Variants in RLIM observed in about 807,000 individuals in gnomAD.
RLIM encodes ring finger protein, LIM domain interacting.
A neutral mutation model predicts 34.0 loss-of-function variants in RLIM; 2 were observed. The ratio of observed to expected loss-of-function variants is 0.06; its 90% CI spans 0.02 to 0.19. The LOEUF is 0.19. Ranked by LOEUF, RLIM falls within the 10% of genes least tolerant of loss-of-function variation. The probability of loss-of-function intolerance (pLI) is 1.00; values close to 1 mark genes in which losing one functional copy is unlikely to be tolerated. For synonymous variants in RLIM, 169 were observed against 164.0 expected, an observed-to-expected ratio of 1.03 and a Z score of -0.23; for missense variants, 286 against 479.7, an observed-to-expected ratio of 0.60 and a Z score of 3.77.
chrX:74,586,445 T>G lies in RLIM; in HGVS notation c.*4995A>C, dbSNP rs1371727292. ...CTGACCATAAAGCAGCTCGTGGAAC[T>G]TTAATAAACAAATCCTAATAAAAAT... On this transcript the variant is annotated 3_prime_UTR_variant, in exon 4 of 4. Coordinates refer to ENST00000332687, the MANE Select transcript of RLIM (RefSeq NM_016120.4). 3.6e-5 allele frequency: 4 copies of G among 112,392 alleles called. No individual in the cohort carries two copies. The highest frequency in any genetic ancestry group is 7.5e-5 in the Non-Finnish European group (4 of 53,328). 9.3% of individuals were successfully genotyped at this position (112,392 alleles called of 1,213,427 possible).
Position 74,592,555 on chromosome X carries a change from G to A in RLIM, c.760C>T (p.Pro254Ser). 1 of 1,211,760 alleles carries A rather than the reference G, an allele frequency of 8.3e-7. No homozygotes were observed. The highest frequency in any genetic ancestry group is 1.8e-5 in the South Asian group (1 of 57,009). Reference protein sequence around the residue: ...HSISSQTFEHPLVNETEGSSR... With the variant: ...HSISSQTFEHSLVNETEGSSR... ...CTTCCCTCCGTCTCATTTACCAAAGGATGTTCAAAAGTCTGAGATGAGATA... is the reference window on the plus strand; with the variant it reads ...CTTCCCTCCGTCTCATTTACCAAAGAATGTTCAAAAGTCTGAGATGAGATA... Residue 254 changes from proline (P) to serine (S), a missense_variant, in exon 4 of 4, where the codon CCT becomes TCT. Pro to Ser is a moderately conservative substitution (Grantham distance 74). Coordinates refer to ENST00000332687, the MANE Select transcript of RLIM (RefSeq NM_016120.4).
intron 3 of RLIM, among the ~76,000 whole-genome samples, chrX:74,593,585 A>T (rs2079626340): frequency 8.9e-6 from 1 of 112,866 alleles, no homozygotes; most frequent in African/African-American, 3.2e-5. Context: ...GTTTAAAAGC[A>T]TTTGAATATT....
In RLIM at chrX:74,583,141, T is replaced by C; in HGVS notation, c.*8299A>G. On this transcript the variant is annotated 3_prime_UTR_variant, in exon 4 of 4. Transcript: ENST00000332687. ...TTAACTGCTTTCTGGGCAGTCTCTT[T>C]AGCTTGGTGGGCTTGTAGTACAGCT... 1.7e-6 allele frequency: 2 copies of C among 1,197,843 alleles called. No individual in the cohort carries two copies. The highest frequency in any genetic ancestry group is 2.3e-6 in the Non-Finnish European group (2 of 882,004).
chrX:74,600,366 C>T (rs961985961), intron 1 of RLIM, among the ~76,000 whole-genome samples: 1 of 110,244 alleles, frequency 9.1e-6, no homozygotes, highest in African/African-American at 3.3e-5. Context: ...AGTAATACAA[C>T]TTGGTATTAG....
rs1052868174 is a variant in RLIM, at chrX:74,586,911, T to C, written c.*4529A>G. On this transcript the variant is annotated 3_prime_UTR_variant, in exon 4 of 4. Coordinates refer to ENST00000332687, the MANE Select transcript of RLIM (RefSeq NM_016120.4). Reference sequence around the variant, plus strand: ...GAGTTCAAGAACAGCCTGGACAACATGGCGAAACCCCATCTCCACAAAAAA... The same window carrying C: ...GAGTTCAAGAACAGCCTGGACAACACGGCGAAACCCCATCTCCACAAAAAA... 2 of 110,659 alleles carry C rather than the reference T, an allele frequency of 1.8e-5. No homozygotes were observed. Among genetic ancestry groups the C allele is most frequent in the Admixed American group, 9.7e-5 (1 of 10,327 alleles). 9.1% of individuals were successfully genotyped at this position (110,659 alleles called of 1,213,427 possible).
At chrX:74,598,953 C>T (rs996271268) in intron 1 of RLIM, among the ~76,000 whole-genome samples, 2 of 111,341 alleles carry the variant, frequency 1.8e-5, no homozygotes, top group African/African-American at 6.5e-5. Flanking sequence ...ATAAGGAATA[C>T]TAGCTATGAA....
Position 74,584,913 on chromosome X carries a change from T to C in RLIM, c.*6527A>G, listed in dbSNP as rs887597708. On this transcript the variant is annotated 3_prime_UTR_variant, in exon 4 of 4. Coordinates refer to ENST00000332687, the MANE Select transcript of RLIM (RefSeq NM_016120.4). ...GTTGAAGAGCTGACTACATCAAAACTATCCTGAGAAACCGAGTTATGATGC... is the reference window on the plus strand; with the variant it reads ...GTTGAAGAGCTGACTACATCAAAACCATCCTGAGAAACCGAGTTATGATGC... 1.6e-4 allele frequency among the ~76,000 whole-genome samples: 18 copies of C among 112,176 alleles called. No homozygotes were observed. The highest frequency in any genetic ancestry group is 5.8e-4 in the African/African-American group (18 of 30,907).
intron 1 of RLIM, among the ~76,000 whole-genome samples, chrX:74,603,222 A>G (rs2079668472): frequency 9.1e-6 from 1 of 109,879 alleles, no homozygotes; most frequent in East Asian, 2.9e-4. Context: ...AAATTACAAC[A>G]TTTTCTTGGC....
At chrX:74,604,330 TAAA>T (rs898705155) in intron 1 of RLIM, among the ~76,000 whole-genome samples, 2 of 106,632 alleles carry the variant, frequency 1.9e-5, no homozygotes, top group East Asian at 2.9e-4. Flanking sequence ...AAGCTTAAAA[TAAA>T]AAAAAAACTT....
rs759218299 is a variant in RLIM, at chrX:74,592,262, G to A, written c.1053C>T (p.Asn351=). ...GTTCACTTTCATAGGTGACAGTGTT[G>A]TTTGGTGTCTGAGACCTAGACCGAG... ...SRTRSRSQTP[N]NTVTYESERG... is the part of the protein sequence containing the mutation. Residue 351 remains asparagine, a synonymous_variant, in exon 4 of 4, where the codon AAC becomes AAT. Coordinates refer to ENST00000332687, the MANE Select transcript of RLIM (RefSeq NM_016120.4). 9.9e-6 allele frequency: 12 copies of A among 1,209,918 alleles called. No individual in the cohort carries two copies. In the Admixed American group the frequency reaches 2.4e-4, roughly 24 times the overall value.
At position 74,614,619 on chromosome X, in the gene RLIM, G is replaced by A. The variant is rs886068172; in HGVS notation, c.-221C>T. 2.7e-5 allele frequency: 3 copies of A among 112,192 alleles called. No homozygotes were observed. The highest frequency in any genetic ancestry group is 9.7e-5 in the African/African-American group (3 of 30,840). 9.2% of individuals were successfully genotyped at this position (112,192 alleles called of 1,213,427 possible). A position where few individuals can be genotyped will look rare whatever the true frequency, so the allele number is the denominator to read the frequency against. On this transcript the variant is annotated 5_prime_UTR_variant, in exon 1 of 4. Coordinates refer to ENST00000332687, the MANE Select transcript of RLIM (RefSeq NM_016120.4). ...TTGTTACCAAGCAGCGACAGGAAAC[G>A]ACTGCCCACAACAGGAAGTGATGAT...
intron 1 of RLIM, among the ~76,000 whole-genome samples, chrX:74,611,038 C>A (rs2147383999): frequency 8.9e-6 from 1 of 111,773 alleles, no homozygotes; most frequent in African/African-American, 3.2e-5. Flanking sequence ...TTATTACTTT[C>A]TTATATTGGA....
intron 3 of RLIM, among the ~76,000 whole-genome samples, chrX:74,593,871 T>C (rs2079627683): frequency 8.9e-6 from 1 of 112,434 alleles, no homozygotes; most frequent in African/African-American, 3.2e-5. Context: ...TGTCAGGATG[T>C]TTGGCAGCAT....
intron 1 of RLIM, chrX:74,612,545 C>T (rs924952481): frequency 9.0e-6 from 1 of 111,617 alleles, no homozygotes; most frequent in Admixed American, 9.6e-5. Context: ...GCATTCTACA[C>T]ATAAATCATC....
chrX:74,599,213 T>C (rs988627778), intron 1 of RLIM, among the ~76,000 whole-genome samples: 2 of 112,102 alleles, frequency 1.8e-5, no homozygotes, highest in Non-Finnish European at 3.8e-5. Context: ...AGGTAATACA[T>C]AAACTTAGCC....
rs149978746 is a variant in RLIM, at chrX:74,610,965, T to C, written c.-24+3457A>G. Among the ~76,000 whole-genome samples, 466 of 111,486 alleles carry C rather than the reference T, an allele frequency of 4.2e-3. 4 individuals are homozygous for C. The highest frequency in any genetic ancestry group is 0.014 in the African/African-American group (434 of 30,735). On this transcript the variant is annotated intron_variant, in intron 1 of 3. Transcript: ENST00000332687. The stretch of plus-strand genomic sequence containing the variant: ...AAAAGAGAAATGAATTGCTGGATTA[T>C]CTGGGAAACTTTCATGTTTGAGGCT...
chrX:74,593,483 C>T (rs1280506605), intron 3 of RLIM, among the ~76,000 whole-genome samples: 2 of 112,506 alleles, frequency 1.8e-5, no homozygotes, highest in Admixed American at 9.4e-5. Context: ...TTTTATTAGT[C>T]TACATACTGT....
At chrX:74,600,644 G>C (rs898862044) in intron 1 of RLIM, among the ~76,000 whole-genome samples, 1 of 111,061 alleles carries the variant, frequency 9.0e-6, no homozygotes, top group Non-Finnish European at 1.9e-5. Flanking sequence ...TCTGACATTT[G>C]AAGGACATGA....
At chrX:74,599,175 A>T (rs1335580508) in intron 1 of RLIM, among the ~76,000 whole-genome samples, 1 of 111,972 alleles carries the variant, frequency 8.9e-6, no homozygotes, top group African/African-American at 3.3e-5. Context: ...CTGGCCTTTT[A>T]AAGAAAAAGG....
Sources: allele counts gnomAD v4.1 joint callset (sites outside exome capture counted in the v4.1 genomes callset), GRCh38; gene constraint gnomAD v4.1.1; transcripts MANE v1.5; gene names NCBI Gene and HGNC (gene_info 2026-07-23, HGNC 2026-07-21).